Variants in SIPA1L2 observed in about 807,000 individuals in gnomAD.
SIPA1L2 encodes signal-induced proliferation-associated 1-like protein 2.
Under a neutral mutation model 163.9 loss-of-function variants are expected in SIPA1L2, and 56 were observed. The ratio of observed to expected loss-of-function variants is 0.34; its 90% CI spans 0.28 to 0.43. The LOEUF (loss-of-function observed/expected upper bound fraction) is 0.43. Ranked by LOEUF, SIPA1L2 falls within the 20% of genes least tolerant of loss-of-function variation. SIPA1L2 has a pLI of 1.00. For synonymous variants in SIPA1L2, 877 were observed against 865.7 expected, an observed-to-expected ratio of 1.01 and a Z score of -0.23; for missense variants, 1,974 against 2,193.5, an observed-to-expected ratio of 0.90 and a Z score of 2.00.
intron 3 of SIPA1L2, among the ~76,000 whole-genome samples, chr1:232,503,273 A>G (rs184672548): frequency 1.6e-4 from 25 of 152,314 alleles, no homozygotes; most frequent in Admixed American, 1.6e-3. Context: ...TGAAGATGAG[A>G]TTTAGTGCAT....
At chr1:232,431,849 C>T (rs755936769) in intron 16 of SIPA1L2, among the ~76,000 whole-genome samples, 19 of 152,122 alleles carry the variant, frequency 1.2e-4, no homozygotes, top group Non-Finnish European at 2.5e-4. Flanking sequence ...GGAAGTCATG[C>T]TAAAATTAAG....
intron 3 of SIPA1L2, among the ~76,000 whole-genome samples, chr1:232,499,160 C>CCTAAGAGTTAAAATTTAA (rs1205846793): frequency 6.6e-6 from 1 of 152,134 alleles, no homozygotes; most frequent in Admixed American, 6.5e-5. Flanking sequence ...CCTACAATGG[C>CCTAAGAGTTAAAATTTAA]CCCTAAGAGT....
At chr1:232,538,561 T>C (rs1657450643) in intron 2 of SIPA1L2, among the ~76,000 whole-genome samples, 1 of 152,164 alleles carries the variant, frequency 6.6e-6, no homozygotes, top group African/African-American at 2.4e-5. Flanking sequence ...GGCACTCAAA[T>C]GGCCTATGTA....
intron 15 of SIPA1L2, among the ~76,000 whole-genome samples, chr1:232,433,793 C>A (rs1343873385): frequency 6.6e-6 from 1 of 152,144 alleles, no homozygotes; most frequent in Non-Finnish European, 1.5e-5. Context: ...TTCAGAAAGG[C>A]AGGTGGGCTT....
At chr1:232,615,689 G>A (rs747197699) in intron 1 of SIPA1L2, among the ~76,000 whole-genome samples, 6 of 152,072 alleles carry the variant, frequency 3.9e-5, no homozygotes, top group South Asian at 2.1e-4. Flanking sequence ...CATTTCTTTC[G>A]AAGTTATAGA....
Position 232,462,596 on chromosome 1 carries a change from CG to C in SIPA1L2, c.2821-1436del, listed in dbSNP as rs1273867892. On this transcript the variant is annotated intron_variant, in intron 9 of 22. Coordinates refer to ENST00000674635, the MANE Select transcript of SIPA1L2 (RefSeq NM_020808.5). ...TAGTGATGATGTTTTAGAATATTGA[CG>C]TTTCTAAAGTCATGAACTGAAGTAA... 7.3e-4 allele frequency among the ~76,000 whole-genome samples: 111 copies of C among 152,176 alleles called. 2 individuals are homozygous for C. The highest frequency in any genetic ancestry group is 2.9e-5 in the Non-Finnish European group (2 of 68,010).
rs376123118 is a variant in SIPA1L2 at position 232,597,689 on chromosome 1, C to CAAA, written c.-318-23470_-318-23468dup. Among the ~76,000 whole-genome samples the CAAA allele has an allele frequency of 6.6e-4, 43 of 65,400 alleles. 5 individuals carry two copies. The highest frequency in any genetic ancestry group is 2.5e-3 in the African/African-American group (41 of 16,708). The allele number at this position is 65,400 out of a possible 152,430, so 42.9% of individuals were successfully genotyped here. A position where few individuals can be genotyped will look rare whatever the true frequency, so the allele number is the denominator to read the frequency against. On this transcript the variant is annotated intron_variant, in intron 1 of 22. Coordinates refer to ENST00000674635, the MANE Select transcript of SIPA1L2 (RefSeq NM_020808.5). ...TGGGCGACAGAGCGAAACTCTGTCTCAAAAAAAAAAAAAAAAAAAAAAAAA... is the reference window on the plus strand; with the variant it reads ...TGGGCGACAGAGCGAAACTCTGTCTCAAAAAAAAAAAAAAAAAAAAAAAAAAAA...
intron 20 of SIPA1L2, 39 bp downstream of exon 20, chr1:232,404,086 C>T: frequency 6.2e-7 from 1 of 1,611,118 alleles, no homozygotes; most frequent in Non-Finnish European, 8.5e-7. Flanking sequence ...GAAAAGGTTA[C>T]AGGATATCAG....
chr1:232,489,568 A>G (rs1372971503), intron 5 of SIPA1L2, among the ~76,000 whole-genome samples: 6 of 151,910 alleles, frequency 3.9e-5, no homozygotes. Context: ...GTGTTACAAT[A>G]TCTGCTTCTT....
chr1:232,524,968 CA>C (rs1249717163), intron 2 of SIPA1L2, among the ~76,000 whole-genome samples: 4 of 152,036 alleles, frequency 2.6e-5, no homozygotes, highest in African/African-American at 4.8e-5. Context: ...ATAAATATAA[CA>C]TTTTTTTAAG....
chr1:232,400,774 C>T (rs1660290236), intron 22 of SIPA1L2, among the ~76,000 whole-genome samples: 1 of 152,148 alleles, frequency 6.6e-6, no homozygotes, highest in South Asian at 2.1e-4. Flanking sequence ...CTCTCCATCG[C>T]TTTCTCTCAG....
chr1:232,549,408 G>A (rs1283561711), intron 2 of SIPA1L2, among the ~76,000 whole-genome samples: 1 of 152,206 alleles, frequency 6.6e-6, no homozygotes, highest in Non-Finnish European at 1.5e-5. Context: ...AGATCTGAAA[G>A]CCAAATCCTC....
At chr1:232,603,137 C>T (rs1255333096) in intron 1 of SIPA1L2, among the ~76,000 whole-genome samples, 1 of 152,108 alleles carries the variant, frequency 6.6e-6, no homozygotes, top group African/African-American at 2.4e-5. Context: ...TCTAACTGGG[C>T]GTCCTATGTT....
intron 1 of SIPA1L2, among the ~76,000 whole-genome samples, chr1:232,582,274 T>C (rs967308150): frequency 6.6e-6 from 1 of 152,094 alleles, no homozygotes; most frequent in Non-Finnish European, 1.5e-5. Context: ...ACCCAAGAGA[T>C]AGTGTTTTAC....
At chr1:232,414,540 G>C (rs1233179993) in intron 19 of SIPA1L2, among the ~76,000 whole-genome samples, 1 of 152,208 alleles carries the variant, frequency 6.6e-6, no homozygotes, top group Non-Finnish European at 1.5e-5. Context: ...GTGAGAAAGA[G>C]AAGGAAGGGC....
intron 7 of SIPA1L2, among the ~76,000 whole-genome samples, chr1:232,472,854 G>A (rs1280300932): frequency 6.6e-6 from 1 of 152,194 alleles, no homozygotes; most frequent in Non-Finnish European, 1.5e-5. Context: ...CCTGACTTGT[G>A]ATTTAGCATG....
chr1:232,484,665 C>T (rs1665556708), intron 5 of SIPA1L2, among the ~76,000 whole-genome samples: 1 of 152,204 alleles, frequency 6.6e-6, no homozygotes, highest in Non-Finnish European at 1.5e-5. Flanking sequence ...GTAATCCTAT[C>T]TTACAGTCAA....
chr1:232,564,258 GTGTGTGTGTGTGTGTGTGTGTGTA>G (rs1213422650), intron 2 of SIPA1L2, among the ~76,000 whole-genome samples: 1 of 118,472 alleles, frequency 8.4e-6, no homozygotes, highest in African/African-American at 4.1e-5. Context: ...GTGTGTGTGT[GTGTGTGTGTGTGTGTGTGTGTGTA>G]TGATGGAGTT....
intron 1 of SIPA1L2, among the ~76,000 whole-genome samples, chr1:232,621,328 C>T (rs942557036): frequency 2.0e-5 from 3 of 152,094 alleles, no homozygotes; most frequent in African/African-American, 7.2e-5. Context: ...TCGGTAATTC[C>T]GCCATTCTTA....
Sources: allele counts gnomAD v4.1 joint callset (sites outside exome capture counted in the v4.1 genomes callset), GRCh38; gene constraint gnomAD v4.1.1; transcripts MANE v1.5; gene names NCBI Gene and HGNC (gene_info 2026-07-23, HGNC 2026-07-21).